The following EHBP1 variants were observed in gnomAD, a reference collection of about 807,000 sequenced individuals.
The protein encoded by EHBP1 is EH domain binding protein 1.
EHBP1 carries 55 observed loss-of-function variants against 144.0 expected under a neutral mutation model. The ratio of observed to expected loss-of-function variants is 0.38; its 90% CI spans 0.31 to 0.48. The LOEUF is 0.48. Among genes scored for constraint, EHBP1 ranks in the 20% least tolerant of loss-of-function variants. EHBP1 has a pLI of 0.98. For synonymous variants in EHBP1, 469 were observed against 472.7 expected (o/e 0.99, Z 0.10); for missense variants, 1,200 against 1,364.2 (o/e 0.88, Z 1.90).
At chr2:62,982,999 A>G (rs920505481) in intron 15 of EHBP1, among the ~76,000 whole-genome samples, 2 of 152,214 alleles carry the variant, frequency 1.3e-5, no homozygotes, top group African/African-American at 4.8e-5. Context: ...TGTAAATAAC[A>G]GAATCACACC....
At chr2:62,892,067 G>A (rs1002132357) in intron 10 of EHBP1, among the ~76,000 whole-genome samples, 1 of 152,044 alleles carries the variant, frequency 6.6e-6, no homozygotes, top group African/African-American at 2.4e-5. Context: ...TACCTAAAAT[G>A]CCTTGTGAAT....
intron 3 of EHBP1, among the ~76,000 whole-genome samples, chr2:62,752,907 G>T (rs2039890594): frequency 6.6e-6 from 1 of 152,100 alleles, no homozygotes; most frequent in Non-Finnish European, 1.5e-5. Flanking sequence ...CTGCACGTGA[G>T]ATGGGTTTCC....
At chr2:62,890,539 C>G (rs1011396767) in intron 10 of EHBP1, among the ~76,000 whole-genome samples, 8 of 151,972 alleles carry the variant, frequency 5.3e-5, no homozygotes, top group African/African-American at 1.9e-4. Context: ...GCTGTCAGCT[C>G]GACTGTTTTT....
chr2:62,723,538 T>A (rs2036442605), intron 2 of EHBP1, among the ~76,000 whole-genome samples: 1 of 152,198 alleles, frequency 6.6e-6, no homozygotes, highest in Non-Finnish European at 1.5e-5. Flanking sequence ...TGTTAGCTGG[T>A]TATTATGCAG....
At chr2:62,681,340 G>GTGTA (rs1171760462) in intron 1 of EHBP1, among the ~76,000 whole-genome samples, 2 of 58,554 alleles carry the variant, frequency 3.4e-5, no homozygotes, top group African/African-American at 1.7e-4. Context: ...ATGTGTGTGT[G>GTGTA]TATATATATA....
chr2:62,850,284 A>C (rs1410680909), intron 7 of EHBP1, among the ~76,000 whole-genome samples: 2 of 152,192 alleles, frequency 1.3e-5, no homozygotes, highest in Non-Finnish European at 2.9e-5. Context: ...TTGCAGGTAT[A>C]TTCTAGCCTA....
chr2:62,976,283 C>T (rs1240168497), intron 14 of EHBP1, among the ~76,000 whole-genome samples: 1 of 152,042 alleles, frequency 6.6e-6, no homozygotes, highest in African/African-American at 2.4e-5. Flanking sequence ...ATTAACCTAC[C>T]CCCATTAATT....
intron 10 of EHBP1, among the ~76,000 whole-genome samples, chr2:62,875,535 C>G (rs971065053): frequency 2.0e-5 from 3 of 152,200 alleles, no homozygotes; most frequent in African/African-American, 7.2e-5. Context: ...TCAGCCCACA[C>G]AGATGAGAAA....
intron 2 of EHBP1, among the ~76,000 whole-genome samples, chr2:62,739,799 G>A (rs2038515936): frequency 6.6e-6 from 1 of 151,832 alleles, no homozygotes; most frequent in Non-Finnish European, 1.5e-5. Flanking sequence ...TAGCTGTTGT[G>A]GTGGCATGTG....
chr2:62,889,899 T>G (rs1327520626), intron 10 of EHBP1, among the ~76,000 whole-genome samples: 1 of 152,088 alleles, frequency 6.6e-6, no homozygotes, highest in Non-Finnish European at 1.5e-5. Flanking sequence ...TCTAGCTTTG[T>G]TCTTTTTGCT....
At position 62,948,490 on chromosome 2, in the gene EHBP1, A is replaced by G; in HGVS notation, c.1644A>G (p.Lys548=). Reference sequence around the variant, plus strand: ...CAAACAGTTCTGTTGATCAAGAAAAATTCTATGCAGAGCTTAGTGATCTGA... The same window carrying G: ...CAAACAGTTCTGTTGATCAAGAAAAGTTCTATGCAGAGCTTAGTGATCTGA... ...TDTNSSVDQE[K]FYAELSDLKR... The change falls in exon 13 of 23, where the codon AAA becomes AAG. Residue 548 remains lysine (K), a synonymous_variant. Coordinates refer to ENST00000431489, the MANE Select transcript of EHBP1 (RefSeq NM_001142616.3). 6.2e-7 allele frequency: 1 copy of G among 1,613,638 alleles called. No individual in the cohort carries two copies. Among genetic ancestry groups the G allele is most frequent in the East Asian group, 2.2e-5 (1 of 44,846 alleles).
chr2:62,773,081 A>G (rs972768694), intron 5 of EHBP1, among the ~76,000 whole-genome samples: 9 of 152,220 alleles, frequency 5.9e-5, no homozygotes, highest in Admixed American at 5.2e-4. Context: ...ACTAATTTAT[A>G]TACTCTAAAT....
At chr2:62,899,407 A>G (rs1326593714) in intron 10 of EHBP1, among the ~76,000 whole-genome samples, 1 of 152,180 alleles carries the variant, frequency 6.6e-6, no homozygotes, top group Non-Finnish European at 1.5e-5. Flanking sequence ...AATGTTTAGT[A>G]TCTCCTGTGT....
chr2:62,948,817 TGA>T lies in EHBP1; in HGVS notation c.1974_1975del (p.Glu658AspfsTer6). ...LLGKKRLLKA[E>X]TLELSDLYVS... The stretch of plus-strand genomic sequence containing the variant: ...TAGGCAAAAAGAGACTATTGAAAGC[TGA>T]GACTTTAGAATTGAGTGACTTATAT... On this transcript the variant is annotated frameshift_variant, in exon 13 of 23. Coordinates refer to ENST00000431489, the MANE Select transcript of EHBP1 (RefSeq NM_001142616.3). LOFTEE classifies it high-confidence loss of function. 6.2e-7 allele frequency: 1 copy of T among 1,614,138 alleles called. No homozygotes were observed. The highest frequency in any genetic ancestry group is 8.5e-7 in the Non-Finnish European group (1 of 1,179,976).
intron 14 of EHBP1, among the ~76,000 whole-genome samples, chr2:62,975,193 C>A (rs892507264): frequency 2.0e-5 from 3 of 152,138 alleles, no homozygotes; most frequent in Non-Finnish European, 4.4e-5. Context: ...TTAGTCCTCT[C>A]GCTATATGAC....
At chr2:63,027,327 A>G (rs185770835) in intron 19 of EHBP1, among the ~76,000 whole-genome samples, 1 of 152,328 alleles carries the variant, frequency 6.6e-6, no homozygotes, top group Non-Finnish European at 1.5e-5. Context: ...GGAAATGGCA[A>G]TACAGACCCA....
At chr2:62,949,855 A>G (rs931236025) in intron 13 of EHBP1, among the ~76,000 whole-genome samples, 1 of 152,170 alleles carries the variant, frequency 6.6e-6, no homozygotes, top group Non-Finnish European at 1.5e-5. Context: ...ACCATCAGTT[A>G]TAAGATATAC....
intron 1 of EHBP1, among the ~76,000 whole-genome samples, chr2:62,684,057 T>TG (rs1226463351): frequency 6.6e-6 from 1 of 152,190 alleles, no homozygotes; most frequent in African/African-American, 2.4e-5. Context: ...GCACACACGT[T>TG]GGAGTTTATT....
At chr2:62,704,490 C>G (rs2034383533), upstream of EHBP1, among the ~76,000 whole-genome samples, 1 of 152,202 alleles carries the variant, frequency 6.6e-6, no homozygotes, top group South Asian at 2.1e-4. Context: ...GTCCATGCAC[C>G]CTGCTTTCCA....
Sources: allele counts gnomAD v4.1 joint callset (sites outside exome capture counted in the v4.1 genomes callset), GRCh38; gene constraint gnomAD v4.1.1; transcripts MANE v1.5; gene names NCBI Gene and HGNC (gene_info 2026-07-23, HGNC 2026-07-21).